Variants in SLC15A5 observed in about 807,000 individuals in gnomAD.
The protein encoded by SLC15A5 is Peptide/histidine transporter ENSP00000340402.
In SLC15A5, 58 loss-of-function variants were observed where a neutral mutation model predicts 56.1. The ratio of observed to expected loss-of-function variants is 1.03; its 90% confidence interval spans 0.84 to 1.29. The LOEUF is 1.29. Among genes scored for constraint, SLC15A5 ranks in the 50% most tolerant of loss-of-function variants. SLC15A5 has a pLI of 0.00. For synonymous variants in SLC15A5, 264 were observed against 250.5 expected (o/e 1.05, Z -0.51); for missense variants, 681 against 672.1 (o/e 1.01, Z -0.15).
intron 7 of SLC15A5, among the ~76,000 whole-genome samples, chr12:16,213,321 T>A (rs915915900): frequency 6.6e-6 from 1 of 152,196 alleles, no homozygotes; most frequent in African/African-American, 2.4e-5. Context: ...TATTATTTAT[T>A]ATCATTACTG....
intron 7 of SLC15A5, among the ~76,000 whole-genome samples, chr12:16,210,237 A>G (rs754144258): frequency 2.0e-5 from 3 of 152,150 alleles, no homozygotes; most frequent in African/African-American, 4.8e-5. Context: ...TACTCCTAGT[A>G]TGCATGTGCA....
chr12:16,219,022 A>G (rs983114706), intron 6 of SLC15A5, among the ~76,000 whole-genome samples: 3 of 152,148 alleles, frequency 2.0e-5, no homozygotes. Context: ...TATTTATCCC[A>G]TAAAGATTTA....
At chr12:16,197,250 A>G (rs1183912887) in intron 7 of SLC15A5, among the ~76,000 whole-genome samples, 2 of 152,076 alleles carry the variant, frequency 1.3e-5, no homozygotes, top group Non-Finnish European at 2.9e-5. Flanking sequence ...ATTTAGATTC[A>G]TTTAACATTC....
chr12:16,197,860 A>C (rs1044113769), intron 7 of SLC15A5, among the ~76,000 whole-genome samples: 1 of 152,080 alleles, frequency 6.6e-6, no homozygotes, highest in Non-Finnish European at 1.5e-5. Flanking sequence ...GTAGCTTATA[A>C]ACTTTTATTG....
In SLC15A5 at chr12:16,228,359, G is replaced by T. The variant is rs117495392; in HGVS notation, c.1163-3757C>A. Among the ~76,000 whole-genome samples, 217 of 152,272 alleles carry T rather than the reference G, an allele frequency of 1.4e-3. 5 individuals carry two copies. In the East Asian group the frequency reaches 0.026, roughly 18 times the overall value. On this transcript the variant is annotated intron_variant, in intron 5 of 8. Transcript: ENST00000344941. The stretch of plus-strand genomic sequence containing the variant: ...AGACAATGAAGTAAAAGTGCTGAAA[G>T]CAAGGTCAGAAAGATAGGTCATGTG...
chr12:16,253,389 A>G (rs907731338), intron 3 of SLC15A5, among the ~76,000 whole-genome samples: 2 of 152,146 alleles, frequency 1.3e-5, no homozygotes, highest in African/African-American at 4.8e-5. Flanking sequence ...TATGTCTGAT[A>G]TGGGGCTAAT....
Position 16,270,599 on chromosome 12 carries a change from A to G in SLC15A5, c.584+1962T>C, listed in dbSNP as rs117887903. ...CATAATTTGATACCTATAATATGCT[A>G]GGATACTTTATATATAAGTGATACA... On this transcript the variant is annotated intron_variant, in intron 2 of 8. Transcript: ENST00000344941. Among the ~76,000 whole-genome samples, 196 of 152,314 alleles carry G rather than the reference A, an allele frequency of 1.3e-3. 6 individuals are homozygous for G. In the East Asian group the frequency reaches 0.027, roughly 21 times the overall value.
chr12:16,232,100 C>T (rs1864305224), intron 5 of SLC15A5, among the ~76,000 whole-genome samples: 1 of 152,052 alleles, frequency 6.6e-6, no homozygotes, highest in Non-Finnish European at 1.5e-5. Flanking sequence ...AAAAGCTTCC[C>T]ATGTGAAAAA....
intron 2 of SLC15A5, among the ~76,000 whole-genome samples, chr12:16,258,746 A>G (rs1864605422): frequency 6.6e-6 from 1 of 152,096 alleles, no homozygotes; most frequent in East Asian, 1.9e-4. Flanking sequence ...ATTAGATGAG[A>G]CCCACCCAGT....
chr12:16,234,461 A>G (rs1171701517), intron 5 of SLC15A5, among the ~76,000 whole-genome samples: 1 of 152,220 alleles, frequency 6.6e-6, no homozygotes, highest in Non-Finnish European at 1.5e-5. Context: ...TTTAAAGCAA[A>G]CTTTGATTCC....
intron 3 of SLC15A5, among the ~76,000 whole-genome samples, chr12:16,253,742 A>T (rs1297076994): frequency 6.6e-6 from 1 of 152,080 alleles, no homozygotes; most frequent in African/African-American, 2.4e-5. Flanking sequence ...CATAGCCATC[A>T]TTCAAGGTGG....
chr12:16,261,227 C>T (rs563197617), intron 2 of SLC15A5, among the ~76,000 whole-genome samples: 67 of 152,266 alleles, frequency 4.4e-4, no homozygotes, highest in Non-Finnish European at 6.0e-4. Flanking sequence ...TGTCATCCTT[C>T]CTCTTACCCC....
intron 7 of SLC15A5, among the ~76,000 whole-genome samples, chr12:16,200,431 T>C (rs1863943820): frequency 6.6e-6 from 1 of 152,020 alleles, no homozygotes; most frequent in Non-Finnish European, 1.5e-5. Context: ...ATATACGTAA[T>C]TCTTATCAAT....
intron 1 of SLC15A5, among the ~76,000 whole-genome samples, chr12:16,275,951 C>T (rs1343750927): frequency 1.3e-5 from 2 of 151,982 alleles, no homozygotes; most frequent in Admixed American, 6.6e-5. Context: ...CCATTCCATC[C>T]TGTCCCCCTA....
At chr12:16,209,248 G>T (rs1464031426) in intron 7 of SLC15A5, among the ~76,000 whole-genome samples, 3 of 151,372 alleles carry the variant, frequency 2.0e-5, no homozygotes, top group African/African-American at 7.3e-5. Context: ...ATACATATGT[G>T]CATATACATA....
At chr12:16,214,965 G>A (rs1414065917) in intron 7 of SLC15A5, among the ~76,000 whole-genome samples, 1 of 151,990 alleles carries the variant, frequency 6.6e-6, no homozygotes, top group Non-Finnish European at 1.5e-5. Flanking sequence ...AGCACTTTGG[G>A]AGGCCGAGGC....
At chr12:16,254,601 G>A (rs1158534090) in intron 3 of SLC15A5, among the ~76,000 whole-genome samples, 2 of 152,104 alleles carry the variant, frequency 1.3e-5, no homozygotes, top group East Asian at 3.9e-4. Flanking sequence ...TTTGTTGTTG[G>A]ATGCCTAGAC....
At chr12:16,231,159 A>G (rs112710641) in intron 5 of SLC15A5, among the ~76,000 whole-genome samples, 6,677 of 152,266 alleles carry the variant, frequency 0.044, 203 homozygotes, top group African/African-American at 0.07. Context: ...AAAGTTGGAA[A>G]AAACTATGCA....
intron 5 of SLC15A5, among the ~76,000 whole-genome samples, chr12:16,234,933 T>C (rs1864332403): frequency 6.6e-6 from 1 of 152,092 alleles, no homozygotes; most frequent in African/African-American, 2.4e-5. Context: ...TAGTGTGATG[T>C]TTGAGTTTCT....
Sources: gnomAD v4.1 joint callset for allele counts (sites outside exome capture counted in the v4.1 genomes callset) on GRCh38, gnomAD v4.1.1 for gene constraint, MANE v1.5 for transcripts, NCBI Gene and HGNC (gene_info 2026-07-23, HGNC 2026-07-21) for gene names.